The following NR4A1 variants were observed in gnomAD, a reference collection of about 807,000 sequenced individuals.
The protein encoded by NR4A1 is nuclear receptor subfamily 4 group A member 1.
NR4A1 carries 24 observed loss-of-function variants against 47.5 expected under a neutral mutation model. That is an observed-to-expected ratio of 0.50 (90% CI 0.37 to 0.71). The LOEUF (loss-of-function observed/expected upper bound fraction) is 0.71. Ranked by LOEUF, NR4A1 falls within the 30% of genes least tolerant of loss-of-function variation. NR4A1 has a pLI of 0.00. For synonymous variants in NR4A1, 353 were observed against 345.7 expected, an observed-to-expected ratio of 1.02 and a Z score of -0.24; for missense variants, 669 against 788.6, an observed-to-expected ratio of 0.85 and a Z score of 1.82.
chr12:52,028,828 G>A (rs1323201437), intron 1 of NR4A1, among the ~76,000 whole-genome samples: 5 of 150,306 alleles, frequency 3.3e-5, no homozygotes, highest in South Asian at 2.1e-4. Context: ...ACTTGAACCC[G>A]GGAAGCGGAG....
upstream of NR4A1, among the ~76,000 whole-genome samples, chr12:52,048,513 G>A (rs923875599): frequency 1.3e-5 from 2 of 152,132 alleles, no homozygotes; most frequent in African/African-American, 4.8e-5. Context: ...AGAATGGCGT[G>A]AACCCGGGAG....
At position 52,045,629 on chromosome 12, in the gene NR4A1, A is replaced by G. The variant is rs1938604224; in HGVS notation, c.37+3700A>G. 3.6e-5 allele frequency: 15 copies of G among 417,686 alleles called. 1 individual carries two copies. Among genetic ancestry groups the G allele is most frequent in the South Asian group, 2.5e-4 (15 of 59,202 alleles). The allele number at this position is 417,686 out of a possible 1,614,324, so 25.9% of individuals were successfully genotyped here. A position where few individuals can be genotyped will look rare whatever the true frequency, so the allele number is the denominator to read the frequency against. ...TGAGGAAGCAGTCTTGGAGAGGACA[A>G]GGGACTGGCCTCAGGTCACACATCA... is the stretch of plus-strand genomic sequence containing the variant. On this transcript the variant is annotated intron_variant, in intron 2 of 7. Transcript: ENST00000360284.
intron 1 of NR4A1, among the ~76,000 whole-genome samples, chr12:52,029,202 G>A (rs1260989833): frequency 6.6e-6 from 1 of 152,194 alleles, no homozygotes; most frequent in Non-Finnish European, 1.5e-5. Context: ...ACGCATACAT[G>A]CACACACACT....
chr12:52,049,868 G>A (rs1399038709), upstream of NR4A1, among the ~76,000 whole-genome samples: 1 of 152,116 alleles, frequency 6.6e-6, no homozygotes, highest in Non-Finnish European at 1.5e-5. Flanking sequence ...CAGAAGCGGG[G>A]GCTGGAGACA....
At chr12:52,043,071 G>T (rs1341363625) in intron 2 of NR4A1, among the ~76,000 whole-genome samples, 3 of 152,206 alleles carry the variant, frequency 2.0e-5, no homozygotes, top group Non-Finnish European at 2.9e-5. Flanking sequence ...CTGGAGGGAA[G>T]GGGGAAGCCC....
At chr12:52,035,656 A>C (rs2701130) in intron 1 of NR4A1, among the ~76,000 whole-genome samples, 17,365 of 152,180 alleles carry the variant, frequency 0.11, 2,842 homozygotes, top group African/African-American at 0.36. Flanking sequence ...TTGACCTAAT[A>C]CTTGAACCTG....
Position 52,059,102 on chromosome 12 carries a change from C to G in NR4A1, c.*158C>G, listed in dbSNP as rs538537684. ...AGGAGGTTTGCAGGGAGCTCAAGCC[C>G]TTGGGGAGGGGGATGCCTTCATGGG... is the stretch of plus-strand genomic sequence containing the variant. On this transcript the variant is annotated 3_prime_UTR_variant, in exon 7 of 7. Coordinates refer to ENST00000394825, the MANE Select transcript of NR4A1 (RefSeq NM_173157.3). The G allele has an allele frequency of 6.8e-5, 65 of 949,744 alleles. 1 individual carries two copies. In the South Asian group the frequency reaches 1.1e-3, roughly 16 times the overall value. 58.8% of individuals were successfully genotyped at this position (949,744 alleles called of 1,614,324 possible).
At chr12:52,050,902 C>T (rs771620480), upstream of NR4A1, among the ~76,000 whole-genome samples, 1 of 152,150 alleles carries the variant, frequency 6.6e-6, no homozygotes, top group Non-Finnish European at 1.5e-5. Context: ...CCCTAGGGCT[C>T]CAGGAAGGGC....
In NR4A1 at chr12:52,037,457, G is replaced by C; in HGVS notation, c.-83-4353G>C. On this transcript the variant is annotated intron_variant, in intron 1 of 7. Transcript: ENST00000360284. ...CCGCGGGGCCAGGTGAGGGGCTGCC[G>C]GGGTGGCGGGAGGTGGGCCCCGGAG... The C allele has an allele frequency of 3.0e-6, 3 of 985,576 alleles. No individual in the cohort carries two copies. The South Asian group carries it at 1.4e-4, about 46-fold the overall frequency. The allele number at this position is 985,576 out of a possible 1,614,324, so 61.1% of individuals were successfully genotyped here.
In NR4A1 at chr12:52,054,631, C is replaced by CA. The variant is rs1466207007; in HGVS notation, c.305dup (p.Phe103ValfsTer20). 6.2e-7 allele frequency: 1 copy of CA among 1,614,176 alleles called. No individual in the cohort carries two copies. ...CCACCTCCCCTGCCTCTGCCTCCTTCAAGTTCGAGGACTTCCAGGTGTACG... is the reference window on the plus strand; with the variant it reads ...CCACCTCCCCTGCCTCTGCCTCCTTCAAAGTTCGAGGACTTCCAGGTGTACG... On this transcript the variant is annotated frameshift_variant, in exon 2 of 7. Transcript: ENST00000394825. LOFTEE classifies it high-confidence loss of function.
chr12:52,042,481 G>A (rs779011618), intron 2 of NR4A1, among the ~76,000 whole-genome samples: 1 of 152,122 alleles, frequency 6.6e-6, no homozygotes, highest in African/African-American at 2.4e-5. Context: ...GAATGGGAAG[G>A]CAGGGACAGC....
At chr12:52,033,231 C>T (rs1197235929) in intron 1 of NR4A1, among the ~76,000 whole-genome samples, 2 of 152,182 alleles carry the variant, frequency 1.3e-5, no homozygotes, top group African/African-American at 4.8e-5. Context: ...CTGTTCCTTC[C>T]GGCCCGGCGT....
intron 1 of NR4A1, among the ~76,000 whole-genome samples, chr12:52,031,954 G>A (rs772646587): frequency 3.5e-4 from 53 of 151,964 alleles, no homozygotes; most frequent in Non-Finnish European, 5.0e-4. Flanking sequence ...CCGCCACCAC[G>A]CCCAGCTAAT....
At chr12:52,039,146 C>T (rs777592680) in intron 1 of NR4A1, among the ~76,000 whole-genome samples, 1 of 152,212 alleles carries the variant, frequency 6.6e-6, no homozygotes, top group Non-Finnish European at 1.5e-5. Context: ...ATAATCCCTT[C>T]CTCATAACAT....
At chr12:52,034,405 C>T (rs1407443900) in intron 1 of NR4A1, among the ~76,000 whole-genome samples, 2 of 152,236 alleles carry the variant, frequency 1.3e-5, no homozygotes, top group African/African-American at 4.8e-5. Context: ...TAGGAACCTC[C>T]CACAATGTGG....
intron 2 of NR4A1, chr12:52,044,009 G>A (rs1200861343): frequency 5.5e-6 from 6 of 1,097,572 alleles, no homozygotes; most frequent in East Asian, 5.9e-5. Flanking sequence ...CTTGGGCTGC[G>A]GGGAGGAAGC....
At chr12:52,043,859 C>T (rs1447307640) in intron 2 of NR4A1, 6 of 1,289,008 alleles carry the variant, frequency 4.7e-6, no homozygotes, top group Middle Eastern at 2.1e-4. Flanking sequence ...TCCCTTCGTG[C>T]GGTTGTCTGG....
intron 2 of NR4A1, chr12:52,045,418 A>G: frequency 2.6e-6 from 1 of 380,806 alleles, no homozygotes; most frequent in African/African-American, 2.1e-5. Flanking sequence ...CCCCTGTAGC[A>G]CTTCCCTGTG....
chr12:52,040,746 G>A (rs1477279460), intron 1 of NR4A1, among the ~76,000 whole-genome samples: 1 of 152,150 alleles, frequency 6.6e-6, no homozygotes, highest in Non-Finnish European at 1.5e-5. Flanking sequence ...AGGTCAGGTG[G>A]GTGAGGAAGC....
Sources: gnomAD v4.1 joint callset for allele counts (sites outside exome capture counted in the v4.1 genomes callset) on GRCh38, gnomAD v4.1.1 for gene constraint, MANE v1.5 for transcripts, NCBI Gene and HGNC (gene_info 2026-07-23, HGNC 2026-07-21) for gene names.